The following ICAM1 variants were observed in gnomAD, a reference collection of about 807,000 sequenced individuals.
The protein encoded by ICAM1 is intercellular adhesion molecule 1, also known as ICAM-1.
Under a neutral mutation model 42.3 loss-of-function variants are expected in ICAM1, and 28 were observed. The ratio of observed to expected loss-of-function variants is 0.66; its 90% confidence interval spans 0.49 to 0.91. The LOEUF is 0.91. Ranked by LOEUF, ICAM1 falls within the 40% of genes least tolerant of loss-of-function variation. The probability of loss-of-function intolerance (pLI) is 0.00; values close to 1 mark genes in which losing one functional copy is unlikely to be tolerated. For synonymous variants in ICAM1, 304 were observed against 305.9 expected (o/e 0.99, Z 0.07); for missense variants, 637 against 688.6 (o/e 0.93, Z 0.84).
chr19:10,283,948 T>C, intron 3 of ICAM1, 85 bp from the exon 4 acceptor site: 3 of 1,514,494 alleles, frequency 2.0e-6, no homozygotes, highest in Non-Finnish European at 2.7e-6. Context: ...TGGAAGAGGA[T>C]CTCGCAGGAG....
At chr19:10,282,556 T>C (rs1348757195) in intron 2 of ICAM1, among the ~76,000 whole-genome samples, 1 of 152,072 alleles carries the variant, frequency 6.6e-6, no homozygotes, top group Non-Finnish European at 1.5e-5. Context: ...CAACCTTTTT[T>C]TAATTTTTCT....
rs969091957 is a variant in ICAM1, at chr19:10,285,040, G to A, written c.1426+12G>A. 19 of 1,613,454 alleles carry A rather than the reference G, an allele frequency of 1.2e-5. No individual in the cohort carries two copies. The highest frequency in any genetic ancestry group is 6.7e-5 in the Admixed American group (4 of 59,922). Reference sequence around the variant, plus strand: ...CGTGAATGTGCTCTGTGAGTGAGCCGGCGGGCAGAGCTGGGTGGGGGCAGG... The same window carrying A: ...CGTGAATGTGCTCTGTGAGTGAGCCAGCGGGCAGAGCTGGGTGGGGGCAGG... On this transcript the variant is annotated intron_variant, in intron 6 of 6. Coordinates refer to ENST00000264832, the MANE Select transcript of ICAM1 (RefSeq NM_000201.3).
chr19:10,286,532 AT>A lies in ICAM1; in HGVS notation c.*1259del, dbSNP rs769960199. ...CACAACACCACACCTGGCAAATTTG[AT>A]TTTTTTTTTTTTTCCAGAGACGGGG... On this transcript the variant is annotated 3_prime_UTR_variant, in exon 7 of 7. Transcript: ENST00000264832. 5,188 of 147,174 alleles carry A rather than the reference AT, an allele frequency of 0.035. 118 individuals are homozygous for A. Among genetic ancestry groups the A allele is most frequent in the Middle Eastern group, 0.065 (20 of 308 alleles). The allele number at this position is 147,174 out of a possible 1,614,324, so 9.1% of individuals were successfully genotyped here.
chr19:10,274,844 C>T lies in ICAM1; in HGVS notation c.147C>T (p.Ser49=), dbSNP rs992809768. ...GAGGCTCCGTGCTGGTGACATGCAG[C>T]ACCTCCTGTGACCAGCCCAAGTTGT... ...PRGGSVLVTC[S]TSCDQPKLLG... is the part of the protein sequence containing the mutation. The change falls in exon 2 of 7, where the codon AGC becomes AGT. Residue 49 remains serine (S), a synonymous_variant. Transcript: ENST00000264832. 20 of 1,614,224 alleles carry T rather than the reference C, an allele frequency of 1.2e-5. No individual in the cohort carries two copies. Among genetic ancestry groups the T allele is most frequent in the East Asian group, 4.5e-5 (2 of 44,884 alleles).
At chr19:10,281,166 T>C (rs1221117020) in intron 2 of ICAM1, among the ~76,000 whole-genome samples, 1 of 150,982 alleles carries the variant, frequency 6.6e-6, no homozygotes, top group East Asian at 1.9e-4. Flanking sequence ...AGCCACCATG[T>C]CTGGCCTGGC....
chr19:10,285,097 G>A lies in ICAM1; in HGVS notation c.1427-18G>A, dbSNP rs759445505. The A allele has an allele frequency of 9.3e-6, 15 of 1,613,986 alleles. No individual in the cohort carries two copies. Among genetic ancestry groups the A allele is most frequent in the Non-Finnish European group, 1.3e-5 (15 of 1,179,978 alleles). On this transcript the variant is annotated intron_variant, in intron 6 of 6. Coordinates refer to ENST00000264832, the MANE Select transcript of ICAM1 (RefSeq NM_000201.3). ...GGACCTAATGCAATCCTCACCGCCT[G>A]TTGTATCCTCCCCACAGCCCCCCGG...
intron 2 of ICAM1, 102 bp from the exon 3 acceptor site, chr19:10,283,379 G>C: frequency 8.7e-7 from 1 of 1,150,824 alleles, no homozygotes. Flanking sequence ...CGTGTTTGGG[G>C]GAGATACTGA....
Position 10,285,449 on chromosome 19 carries a change from C to T in ICAM1, c.*162C>T, listed in dbSNP as rs565371843. 2.0e-5 allele frequency: 13 copies of T among 644,702 alleles called. No individual in the cohort carries two copies. The East Asian group carries it at 3.3e-4, about 16-fold the overall frequency. The allele number at this position is 644,702 out of a possible 1,614,324, so 39.9% of individuals were successfully genotyped here. On this transcript the variant is annotated 3_prime_UTR_variant, in exon 7 of 7. Coordinates refer to ENST00000264832, the MANE Select transcript of ICAM1 (RefSeq NM_000201.3). ...CAGTCAGATACAACAGCATTTGGGG[C>T]CATGGTACCTGCACACCTAAAACAC...
In ICAM1 at chr19:10,285,015, C is replaced by G; in HGVS notation, c.1413C>G (p.Thr471=). ...STQGEVTRKV[T]VNVLSPRYEI... ...AAGGGGAGGTCACCCGCAAGGTGAC[C>G]GTGAATGTGCTCTGTGAGTGAGCCG... Residue 471 remains threonine (T), a synonymous_variant, in exon 6 of 7, where the codon ACC becomes ACG. Coordinates refer to ENST00000264832, the MANE Select transcript of ICAM1 (RefSeq NM_000201.3). 4 of 1,613,528 alleles carry G rather than the reference C, an allele frequency of 2.5e-6. No homozygotes were observed. The highest frequency in any genetic ancestry group is 3.4e-6 in the Non-Finnish European group (4 of 1,179,892).
chr19:10,279,471 A>T (rs1221036683), intron 2 of ICAM1, among the ~76,000 whole-genome samples: 2 of 151,810 alleles, frequency 1.3e-5, no homozygotes, highest in African/African-American at 2.4e-5. Flanking sequence ...GAACCCAGGA[A>T]TTTTTTTGTT....
Position 10,271,270 on chromosome 19 carries a change from CCCGGGAGGA to C in ICAM1, c.67+49_67+57del, listed in dbSNP as rs767371456. 3 of 1,565,502 alleles carry C rather than the reference CCCGGGAGGA, an allele frequency of 1.9e-6. No individual in the cohort carries two copies. The Admixed American group carries it at 5.2e-5, about 27-fold the overall frequency. On this transcript the variant is annotated intron_variant, in intron 1 of 6. Transcript: ENST00000264832. ...TGCCGTCGGGCCAGTTCTCCGAAGC[CCCGGGAGGA>C]CCGGCTCCCGGGTCAGGTCATGCAT...
At position 10,284,958 on chromosome 19, in the gene ICAM1, G is replaced by A; in HGVS notation, c.1356G>A (p.Glu452=). 1 of 1,611,018 alleles carries A rather than the reference G, an allele frequency of 6.2e-7. No homozygotes were observed. Among genetic ancestry groups the A allele is most frequent in the East Asian group, 2.2e-5 (1 of 44,790 alleles). Reference sequence around the variant, plus strand: ...CAGTGACTGTCACTCGAGATCTTGAGGGCACCTACCTCTGTCGGGCCAGGA... The same window carrying A: ...CAGTGACTGTCACTCGAGATCTTGAAGGCACCTACCTCTGTCGGGCCAGGA... The part of the protein sequence containing the change: ...GESVTVTRDL[E]GTYLCRARST... The change falls in exon 6 of 7, where the codon GAG becomes GAA. Residue 452 remains glutamate, a synonymous_variant. Transcript: ENST00000264832. This position sits in a 1 kb window ranked among gnomAD's most constrained non-coding sequence, Gnocchi z 5.4.
rs2040088318 is a variant in ICAM1, at chr19:10,284,587, C to T, written c.1110C>T (p.Ser370=). The part of the protein sequence containing the change: ...ATPEDNGRSF[S]CSATLEVAGQ... ...CAGAGGACAACGGGCGCAGCTTCTCCTGCTCTGCAACCCTGGAGGTGGCCG... is the reference window on the plus strand; with the variant it reads ...CAGAGGACAACGGGCGCAGCTTCTCTTGCTCTGCAACCCTGGAGGTGGCCG... Residue 370 remains serine (S), a synonymous_variant, in exon 5 of 7, where the codon TCC becomes TCT. Transcript: ENST00000264832. The surrounding 1 kb of genome is among the most constrained non-coding windows in gnomAD (Gnocchi z 5.4). 6.2e-7 allele frequency: 1 copy of T among 1,614,086 alleles called. No homozygotes were observed. The highest frequency in any genetic ancestry group is 1.3e-5 in the African/African-American group (1 of 74,934).
intron 2 of ICAM1, among the ~76,000 whole-genome samples, chr19:10,282,695 T>G (rs1011385731): frequency 2.1e-5 from 3 of 145,450 alleles, no homozygotes; most frequent in Admixed American, 7.2e-5. Context: ...AACAGGTTTT[T>G]TTTTTTGTTT....
intron 2 of ICAM1, among the ~76,000 whole-genome samples, chr19:10,276,361 T>G (rs184936634): frequency 6.7e-6 from 1 of 149,408 alleles, no homozygotes; most frequent in Admixed American, 6.7e-5. Flanking sequence ...CTGGCTAACA[T>G]GGTGAAACCC....
Position 10,274,989 on chromosome 19 carries a change from G to C in ICAM1, c.292G>C (p.Asp98His), listed in dbSNP as rs542476616. Residue 98 changes from aspartate (D) to histidine (H), a missense_variant, in exon 2 of 7, where the codon GAT becomes CAT. Transcript: ENST00000264832. ...SQPMCYSNCPDGQSTAKTFLT... is the reference protein window; with the variant it reads ...SQPMCYSNCPHGQSTAKTFLT... ...ACCAATGTGCTATTCAAACTGCCCT[G>C]ATGGGCAGTCAACAGCTAAAACCTT... 14 of 1,613,972 alleles carry C rather than the reference G, an allele frequency of 8.7e-6. No homozygotes were observed. In the African/African-American group the frequency reaches 1.1e-4, roughly 12 times the overall value.
chr19:10,283,932 TG>T, intron 3 of ICAM1, 100 bp from the exon 4 acceptor site: 1 of 1,469,770 alleles, frequency 6.8e-7, no homozygotes. Context: ...GGCTGCTGAG[TG>T]GCCCTGGAAG....
rs373913806 is a variant in ICAM1 at position 10,283,762 on chromosome 19, G to T, written c.613G>T (p.Ala205Ser). 40 of 1,608,804 alleles carry T rather than the reference G, an allele frequency of 2.5e-5. No individual in the cohort carries two copies. The highest frequency in any genetic ancestry group is 3.1e-5 in the Non-Finnish European group (36 of 1,177,358). ...GCTGGAGCTGTTTGAGAACACCTCG[G>T]CCCCCTACCAGCTCCAGACCTTTGG... ...QGLELFENTS[A>S]PYQLQTFVLP... The change falls in exon 3 of 7, where the codon GCC (alanine) becomes TCC (serine). Residue 205 changes from alanine (A) to serine (S), a missense_variant. Ala to Ser is a moderately conservative substitution (Grantham distance 99). Coordinates refer to ENST00000264832, the MANE Select transcript of ICAM1 (RefSeq NM_000201.3).
intron 1 of ICAM1, among the ~76,000 whole-genome samples, chr19:10,273,929 A>C (rs1450644819): frequency 2.6e-5 from 4 of 151,478 alleles, no homozygotes; most frequent in Admixed American, 2.6e-4. Flanking sequence ...CAGGAGAATC[A>C]CTTGAACCCG....
Sources: gnomAD v4.1 joint callset for allele counts (sites outside exome capture counted in the v4.1 genomes callset) on GRCh38, gnomAD v4.1.1 for gene constraint, Gnocchi (gnomAD v3.1) non-coding constraint, MANE v1.5 for transcripts, NCBI Gene and HGNC (gene_info 2026-07-23, HGNC 2026-07-21) for gene names.